The following NUDCD1 variants were observed in gnomAD, a reference collection of about 807,000 sequenced individuals.
NUDCD1 encodes NudC domain containing 1.
A neutral mutation model predicts 67.8 loss-of-function variants in NUDCD1; 60 were observed. The ratio of observed to expected loss-of-function variants is 0.88; its 90% CI spans 0.72 to 1.10. The LOEUF is 1.10. Ranked by LOEUF, NUDCD1 falls within the 50% of genes least tolerant of loss-of-function variation. The pLI is 0.00. For missense variants in NUDCD1, 643 were observed against 695.0 expected (o/e 0.93, Z 0.84); for synonymous variants, 244 against 230.8 (o/e 1.06, Z -0.52).
chr8:109,299,941 A>C (rs1814942821), intron 2 of NUDCD1, among the ~76,000 whole-genome samples: 1 of 152,188 alleles, frequency 6.6e-6, no homozygotes, highest in Admixed American at 6.5e-5. Context: ...CTGTGCAGAC[A>C]ACCCCAGTAC....
chr8:109,275,273 G>A, intron 7 of NUDCD1, 79 bp downstream of exon 7: 3 of 1,375,250 alleles, frequency 2.2e-6, no homozygotes, highest in Non-Finnish European at 3.0e-6. Flanking sequence ...GCAAAATATT[G>A]TTTGAAAAGC....
chr8:109,300,380 T>C (rs1227518012), intron 2 of NUDCD1, among the ~76,000 whole-genome samples: 32 of 152,012 alleles, frequency 2.1e-4, no homozygotes, highest in Non-Finnish European at 4.4e-5. Context: ...GGGGAAATAT[T>C]CAATGAAATA....
chr8:109,287,072 A>G (rs890894205), intron 5 of NUDCD1, among the ~76,000 whole-genome samples: 1 of 152,182 alleles, frequency 6.6e-6, no homozygotes, highest in Non-Finnish European at 1.5e-5. Context: ...TTGCAAATCA[A>G]AACTACAAGG....
At chr8:109,293,711 A>G (rs1353713111) in intron 3 of NUDCD1, among the ~76,000 whole-genome samples, 187 bp from the exon 4 acceptor site, 2 of 152,052 alleles carry the variant, frequency 1.3e-5, no homozygotes, top group Non-Finnish European at 2.9e-5. Context: ...TGAGGACAGA[A>G]CTTTTAAGAA....
intron 7 of NUDCD1, among the ~76,000 whole-genome samples, chr8:109,274,708 C>T (rs963244196): frequency 6.6e-6 from 1 of 152,100 alleles, no homozygotes; most frequent in Non-Finnish European, 1.5e-5. Context: ...CACAGTCTTC[C>T]TCATCTCTAT....
intron 8 of NUDCD1, among the ~76,000 whole-genome samples, chr8:109,253,846 A>G (rs940372073): frequency 3.3e-5 from 5 of 152,138 alleles, no homozygotes; most frequent in Non-Finnish European, 7.3e-5. Flanking sequence ...CAATATGAGA[A>G]AAAGAAAAAA....
At chr8:109,257,385 A>G (rs543812172) in intron 8 of NUDCD1, among the ~76,000 whole-genome samples, 1 of 152,148 alleles carries the variant, frequency 6.6e-6, no homozygotes, top group Non-Finnish European at 1.5e-5. Context: ...ATTCCAAAAT[A>G]CAAAATATCG....
Position 109,265,402 on chromosome 8 carries a change from C to A in NUDCD1, c.1299+5603G>T, listed in dbSNP as rs557720842. ...AGATACCTTTTAAATGTTTTTTAAA[C>A]TATTATAACTATTTACACTATTATA... On this transcript the variant is annotated intron_variant, in intron 8 of 9. Coordinates refer to ENST00000239690, the MANE Select transcript of NUDCD1 (RefSeq NM_032869.4). Among the ~76,000 whole-genome samples the A allele has an allele frequency of 6.6e-5, 10 of 152,172 alleles. No homozygotes were observed. The East Asian group carries it at 1.9e-3, about 29-fold the overall frequency.
rs1813378417 is a variant in NUDCD1 at position 109,242,033 on chromosome 8, A to C, written c.*976T>G. On this transcript the variant is annotated 3_prime_UTR_variant, in exon 10 of 10. Transcript: ENST00000239690. ...ATTTTGTTGAAGTTGTTAGAAAAAT[A>C]AAGAGAGCCACAAGGATAAATTATA... 1 of 397,818 alleles carries C rather than the reference A, an allele frequency of 2.5e-6. No individual in the cohort carries two copies. The highest frequency in any genetic ancestry group is 4.4e-5 in the Admixed American group (1 of 22,692). The allele number at this position is 397,818 out of a possible 1,614,324, so 24.6% of individuals were successfully genotyped here.
intron 5 of NUDCD1, among the ~76,000 whole-genome samples, chr8:109,282,036 G>T (rs1187223900): frequency 2.0e-5 from 3 of 152,176 alleles, no homozygotes; most frequent in Non-Finnish European, 4.4e-5. Context: ...GGGGCTGGGA[G>T]GGTTTCTTAG....
intron 3 of NUDCD1, among the ~76,000 whole-genome samples, chr8:109,294,272 C>A (rs9886475): frequency 2.2e-4 from 34 of 151,974 alleles, no homozygotes; most frequent in African/African-American, 8.0e-4. Flanking sequence ...TACCTGGTAT[C>A]CCCACATATC....
intron 2 of NUDCD1, among the ~76,000 whole-genome samples, chr8:109,316,681 T>C (rs1330272095): frequency 1.3e-5 from 2 of 152,100 alleles, no homozygotes; most frequent in South Asian, 4.1e-4. Flanking sequence ...AGAAAAATAA[T>C]AAAAAATAAG....
In NUDCD1 at chr8:109,271,076, A is replaced by G; in HGVS notation, c.1228T>C (p.Cys410Arg). The change falls in exon 8 of 10, where the codon TGT becomes CGT. Residue 410 changes from cysteine to arginine, a missense_variant. Physicochemically the swap from Cys to Arg is radical, Grantham distance 180. Coordinates refer to ENST00000239690, the MANE Select transcript of NUDCD1 (RefSeq NM_032869.4). ...GAGCTCTCTTCAAAGAAAATATCAC[A>G]TTCTTCTAACTCTTGAGCATTGCAA... Reference protein sequence around the residue: ...PPCNAQELEECDIFFEESSSL... With the variant: ...PPCNAQELEERDIFFEESSSL... The G allele has an allele frequency of 1.9e-6, 3 of 1,595,042 alleles. No individual in the cohort carries two copies. The highest frequency in any genetic ancestry group is 2.2e-5 in the East Asian group (1 of 44,616).
chr8:109,308,065 T>A (rs1815153916), intron 2 of NUDCD1, among the ~76,000 whole-genome samples: 1 of 152,200 alleles, frequency 6.6e-6, no homozygotes, highest in African/African-American at 2.4e-5. Context: ...ACACAGGTCA[T>A]CAAGACAGAA....
intron 2 of NUDCD1, chr8:109,316,653 T>C (rs1187563242): frequency 6.6e-6 from 1 of 152,240 alleles, no homozygotes; most frequent in Non-Finnish European, 1.5e-5. Context: ...AGTAGGTTGA[T>C]TTCATTTGTT....
At chr8:109,326,555 T>C (rs533396665) in intron 1 of NUDCD1, among the ~76,000 whole-genome samples, 24 of 152,306 alleles carry the variant, frequency 1.6e-4, no homozygotes, top group African/African-American at 5.3e-4. Context: ...AAGAACTTTT[T>C]ACAGAGAAGC....
chr8:109,255,468 A>T (rs1813706941), intron 8 of NUDCD1, among the ~76,000 whole-genome samples: 1 of 152,190 alleles, frequency 6.6e-6, no homozygotes, highest in South Asian at 2.1e-4. Context: ...AAATGCACTT[A>T]AATTTCTACT....
rs1814717413 is a variant in NUDCD1 at position 109,291,756 on chromosome 8, C to T, written c.640+1588G>A. ...GGTTAGTCTCAATGTATTTGTCCAG[C>T]TGAGGCAAAGAAACGAAGACAAACG... On this transcript the variant is annotated intron_variant, in intron 4 of 9. Coordinates refer to ENST00000239690, the MANE Select transcript of NUDCD1 (RefSeq NM_032869.4). Among the ~76,000 whole-genome samples, 5 of 152,064 alleles carry T rather than the reference C, an allele frequency of 3.3e-5. No homozygotes were observed. In the South Asian group the frequency reaches 1.0e-3, roughly 32 times the overall value.
At chr8:109,277,485 T>C (rs1426344283) in intron 6 of NUDCD1, among the ~76,000 whole-genome samples, 2 of 150,158 alleles carry the variant, frequency 1.3e-5, no homozygotes, top group Non-Finnish European at 3.0e-5. Context: ...CCCCAAACAA[T>C]GCCAAATATA....
Sources: allele counts gnomAD v4.1 joint callset (sites outside exome capture counted in the v4.1 genomes callset), GRCh38; gene constraint gnomAD v4.1.1; transcripts MANE v1.5; gene names NCBI Gene and HGNC (gene_info 2026-07-23, HGNC 2026-07-21).